The following TLE4 variants were observed in gnomAD, a reference collection of about 807,000 sequenced individuals.
TLE4 encodes transducin-like enhancer protein 4.
A neutral mutation model predicts 92.8 loss-of-function variants in TLE4; 8 were observed. That is an observed-to-expected ratio of 0.09 (90% CI 0.05 to 0.16). The LOEUF is 0.16. Ranked by LOEUF, TLE4 falls within the 10% of genes least tolerant of loss-of-function variation. The pLI, the probability that TLE4 is intolerant of heterozygous loss-of-function variation, is 1.00. For synonymous variants in TLE4, 371 were observed against 374.1 expected (o/e 0.99, Z 0.10); for missense variants, 675 against 997.6 (o/e 0.68, Z 4.36).
At position 79,704,569 on chromosome 9, in the gene TLE4, C is replaced by T. The variant is rs1028416150; in HGVS notation, c.610-214C>T. The T allele has an allele frequency of 8.9e-6, 5 of 559,650 alleles. No individual in the cohort carries two copies. The Admixed American group carries it at 1.4e-4, about 16-fold the overall frequency. The allele number at this position is 559,650 out of a possible 1,614,324, so 34.7% of individuals were successfully genotyped here. A position where few individuals can be genotyped will look rare whatever the true frequency, so the allele number is the denominator to read the frequency against. ...CTCTTCTCGTTTTTTCTTTCTTTCC[C>T]ATTATCTTTCCCCCTTGTCTTTTGC... On this transcript the variant is annotated intron_variant, in intron 8 of 19. Transcript: ENST00000376552.
intron 8 of TLE4, among the ~76,000 whole-genome samples, chr9:79,687,454 GAAAAC>G (rs1385411683): frequency 6.6e-6 from 1 of 152,108 alleles, no homozygotes; most frequent in African/African-American, 2.4e-5. Context: ...AATCTTTTCA[GAAAAC>G]AAAACAAAAT....
At chr9:79,636,654 CACTCTTTTT>C (rs1419581522) in intron 6 of TLE4, among the ~76,000 whole-genome samples, 2 of 152,090 alleles carry the variant, frequency 1.3e-5, no homozygotes, top group Non-Finnish European at 2.9e-5. Flanking sequence ...TCTTGGCTGG[CACTCTTTTT>C]ACTCTTTGCT....
chr9:79,616,224 G>GC lies in TLE4; in HGVS notation c.315+3508dup, dbSNP rs763510744. Among the ~76,000 whole-genome samples, 300 of 152,116 alleles carry GC rather than the reference G, an allele frequency of 2.0e-3. 7 individuals carry two copies. The highest frequency in any genetic ancestry group is 2.6e-3 in the Non-Finnish European group (178 of 68,014). Reference sequence around the variant, plus strand: ...TGATGACAGTTGGATCTGGGTCCTGGCCTCCCTATTACAAATCGTGTGGTT... The same window carrying GC: ...TGATGACAGTTGGATCTGGGTCCTGGCCCTCCCTATTACAAATCGTGTGGTT... On this transcript the variant is annotated intron_variant, in intron 5 of 19. Coordinates refer to ENST00000376552, the MANE Select transcript of TLE4 (RefSeq NM_007005.6).
intron 15 of TLE4, 54 bp from the exon 16 acceptor site, chr9:79,719,992 A>C (rs776563024): frequency 1.2e-4 from 180 of 1,553,804 alleles, no homozygotes; most frequent in Middle Eastern, 3.5e-4. Context: ...CTCTCATGTT[A>C]ATGCTGTTTT....
chr9:79,584,011 A>T (rs2040405727), intron 4 of TLE4, among the ~76,000 whole-genome samples: 1 of 152,188 alleles, frequency 6.6e-6, no homozygotes, highest in South Asian at 2.1e-4. Flanking sequence ...GCCCAGTGTC[A>T]CAGTCAGGGA....
intron 4 of TLE4, among the ~76,000 whole-genome samples, chr9:79,591,071 T>C (rs192997680): frequency 7.4e-4 from 113 of 152,340 alleles, no homozygotes; most frequent in Non-Finnish European, 1.1e-3. Context: ...ATGTGCAGGT[T>C]GCTTTGAGGG....
At chr9:79,634,919 G>A (rs942432443) in intron 6 of TLE4, among the ~76,000 whole-genome samples, 5 of 152,094 alleles carry the variant, frequency 3.3e-5, no homozygotes, top group African/African-American at 9.7e-5. Context: ...ATAAAGCCAC[G>A]AGAAACATTC....
At chr9:79,642,713 A>G (rs2133966045) in intron 6 of TLE4, among the ~76,000 whole-genome samples, 1 of 152,234 alleles carries the variant, frequency 6.6e-6, no homozygotes, top group East Asian at 1.9e-4. Flanking sequence ...GGGTTTTTGT[A>G]GTTTTCTCCT....
chr9:79,642,740 T>C (rs2057409517), intron 6 of TLE4, among the ~76,000 whole-genome samples: 1 of 152,034 alleles, frequency 6.6e-6, no homozygotes, highest in Non-Finnish European at 1.5e-5. Flanking sequence ...CTTGCCATTA[T>C]TACTTCATGA....
Position 79,718,659 on chromosome 9 carries a change from C to G in TLE4, c.1341-63C>G, listed in dbSNP as rs185279494. ...GTGTTTTATTTCTCATCTCATTACA[C>G]TGAACAGTTAAGTGACATTTTTTTA... On this transcript the variant is annotated intron_variant, in intron 14 of 19. Coordinates refer to ENST00000376552, the MANE Select transcript of TLE4 (RefSeq NM_007005.6). 564 of 1,540,858 alleles carry G rather than the reference C, an allele frequency of 3.7e-4. No homozygotes were observed. The African/African-American group carries it at 6.4e-3, about 18-fold the overall frequency.
At chr9:79,578,174 C>T (rs1195714752) in intron 4 of TLE4, among the ~76,000 whole-genome samples, 1 of 152,130 alleles carries the variant, frequency 6.6e-6, no homozygotes, top group Non-Finnish European at 1.5e-5. Flanking sequence ...AGCCTCTCTT[C>T]CAGATGTACT....
intron 6 of TLE4, among the ~76,000 whole-genome samples, chr9:79,643,291 G>A (rs1407329606): frequency 6.6e-6 from 1 of 152,066 alleles, no homozygotes; most frequent in Non-Finnish European, 1.5e-5. Flanking sequence ...AAAGTAAAAG[G>A]CAATCATGCT....
Position 79,708,822 on chromosome 9 carries a change from C to T in TLE4, c.1263+36C>T, listed in dbSNP as rs766633222. 16 of 1,572,256 alleles carry T rather than the reference C, an allele frequency of 1.0e-5. No homozygotes were observed. The Admixed American group carries it at 2.7e-4, about 26-fold the overall frequency. On this transcript the variant is annotated intron_variant, in intron 13 of 19. Transcript: ENST00000376552. ...GAGCTTCACAAATAATATTTTAGCA[C>T]ACGGAGGATTGTCATGCTTGATTGA...
intron 8 of TLE4, among the ~76,000 whole-genome samples, chr9:79,704,231 A>T (rs2070851369): frequency 6.6e-6 from 1 of 152,048 alleles, no homozygotes; most frequent in Non-Finnish European, 1.5e-5. Flanking sequence ...CTCCTGCCTC[A>T]GCCTCCTGAG....
In TLE4 at chr9:79,653,090, T is replaced by C. The variant is rs1174290271; in HGVS notation, c.592+296T>C. ...AATCAGTAATGAAATCCCATGATGC[T>C]CTGTTTGAAGTAGCATGTTGCATTA... On this transcript the variant is annotated intron_variant, in intron 7 of 19. Coordinates refer to ENST00000376552, the MANE Select transcript of TLE4 (RefSeq NM_007005.6). Among the ~76,000 whole-genome samples the C allele has an allele frequency of 2.0e-5, 3 of 152,212 alleles. No individual in the cohort carries two copies. The East Asian group carries it at 5.8e-4, about 29-fold the overall frequency.
At chr9:79,672,558 T>G (rs2062589399) in intron 8 of TLE4, among the ~76,000 whole-genome samples, 1 of 152,154 alleles carries the variant, frequency 6.6e-6, no homozygotes, top group South Asian at 2.1e-4. Flanking sequence ...TTTGAGGCGG[T>G]TCATTCTTAC....
chr9:79,629,806 G>A (rs2053702186), intron 6 of TLE4, among the ~76,000 whole-genome samples: 2 of 152,194 alleles, frequency 1.3e-5, no homozygotes, highest in African/African-American at 4.8e-5. Context: ...AATTTTTGCT[G>A]CTGAGGTTCT....
intron 5 of TLE4, among the ~76,000 whole-genome samples, chr9:79,614,039 T>C (rs1359049237): frequency 6.6e-6 from 1 of 152,148 alleles, no homozygotes; most frequent in Non-Finnish European, 1.5e-5. Flanking sequence ...TGCTTATGGC[T>C]AGATTAGATG....
At chr9:79,596,763 A>G (rs1463163923) in intron 4 of TLE4, among the ~76,000 whole-genome samples, 3 of 152,218 alleles carry the variant, frequency 2.0e-5, no homozygotes, top group East Asian at 3.9e-4. Context: ...GCCTACCCTC[A>G]TAAATATTTC....
Sources: allele counts gnomAD v4.1 joint callset (sites outside exome capture counted in the v4.1 genomes callset), GRCh38; gene constraint gnomAD v4.1.1; transcripts MANE v1.5; gene names NCBI Gene and HGNC (gene_info 2026-07-23, HGNC 2026-07-21).